Variants in KIAA0319L observed in about 807,000 individuals in gnomAD.
The protein encoded by KIAA0319L is KIAA0319 like.
In KIAA0319L, 55 loss-of-function variants were observed where a neutral mutation model predicts 120.1. The observed-to-expected ratio is 0.46, with a 90% CI of 0.37 to 0.57. KIAA0319L has a LOEUF of 0.57. Among genes scored for constraint, KIAA0319L ranks in the 20% least tolerant of loss-of-function variants. The pLI, the probability that KIAA0319L is intolerant of heterozygous loss-of-function variation, is 0.00. For missense variants in KIAA0319L, 1,049 were observed against 1,255.3 expected (o/e 0.84, Z 2.48); for synonymous variants, 398 against 471.9 (o/e 0.84, Z 2.03).
rs762805959 is a variant in KIAA0319L at position 35,470,979 on chromosome 1, A to C, written c.1016-19T>G. ...GTTTCTCCTATAGAAGGGCAGTTAC[A>C]AAAATCATGAAAACACACACCAACA... On this transcript the variant is annotated intron_variant, in intron 5 of 20. Coordinates refer to ENST00000325722, the MANE Select transcript of KIAA0319L (RefSeq NM_024874.5). The C allele has an allele frequency of 1.4e-6, 2 of 1,391,944 alleles. No homozygotes were observed. Among genetic ancestry groups the C allele is most frequent in the African/African-American group, 2.8e-5 (2 of 70,398 alleles). The allele number at this position is 1,391,944 out of a possible 1,614,324, so 86.2% of individuals were successfully genotyped here.
chr1:35,455,450 A>C (rs1373887901), intron 10 of KIAA0319L, among the ~76,000 whole-genome samples: 1 of 152,160 alleles, frequency 6.6e-6, no homozygotes, highest in African/African-American at 2.4e-5. Flanking sequence ...AATCTACTCT[A>C]ACTTGTTATA....
intron 7 of KIAA0319L, among the ~76,000 whole-genome samples, chr1:35,466,331 C>T (rs1360230252): frequency 1.3e-5 from 2 of 152,220 alleles, no homozygotes; most frequent in South Asian, 2.1e-4. Flanking sequence ...TGGTCCCTCT[C>T]AGCATGGCCC....
At chr1:35,522,292 AT>A (rs1645955099) in intron 2 of KIAA0319L, among the ~76,000 whole-genome samples, 1 of 151,916 alleles carries the variant, frequency 6.6e-6, no homozygotes, top group African/African-American at 2.4e-5. Flanking sequence ...TTATTTATTT[AT>A]TTTTGAGACA....
At chr1:35,539,921 C>A (rs1034982958) in intron 2 of KIAA0319L, among the ~76,000 whole-genome samples, 1 of 152,216 alleles carries the variant, frequency 6.6e-6, no homozygotes, top group Non-Finnish European at 1.5e-5. Context: ...TGTTACCCCC[C>A]ACTCCATCTC....
chr1:35,446,633 T>C (rs1641646734), intron 16 of KIAA0319L, among the ~76,000 whole-genome samples: 2 of 152,220 alleles, frequency 1.3e-5, no homozygotes, highest in Non-Finnish European at 2.9e-5. Context: ...AGCACCCCTT[T>C]TGCCAGATCA....
chr1:35,447,754 T>C (rs1480238097), intron 16 of KIAA0319L, among the ~76,000 whole-genome samples: 1 of 152,034 alleles, frequency 6.6e-6, no homozygotes, highest in African/African-American at 2.4e-5. Context: ...AAATCTTCTG[T>C]AGAGGTGGGG....
chr1:35,460,931 C>T (rs543178146), intron 8 of KIAA0319L, among the ~76,000 whole-genome samples: 18 of 152,200 alleles, frequency 1.2e-4, no homozygotes, highest in Non-Finnish European at 2.4e-4. Flanking sequence ...TCTGCCCCTG[C>T]GATTCTTCTA....
intron 1 of KIAA0319L, among the ~76,000 whole-genome samples, chr1:35,555,242 G>A (rs897993847): frequency 3.9e-5 from 6 of 152,052 alleles, no homozygotes; most frequent in Non-Finnish European, 7.4e-5. Flanking sequence ...AAATTAGTAC[G>A]TAAATATTGG....
chr1:35,517,314 A>G (rs1570922604), intron 2 of KIAA0319L, among the ~76,000 whole-genome samples: 1 of 152,332 alleles, frequency 6.6e-6, no homozygotes, highest in South Asian at 2.1e-4. Context: ...TTCTAACTAT[A>G]CTACAGGGCT....
At chr1:35,472,601 T>C (rs1643692098) in intron 5 of KIAA0319L, among the ~76,000 whole-genome samples, 1 of 151,228 alleles carries the variant, frequency 6.6e-6, no homozygotes, top group Admixed American at 6.6e-5. Context: ...AGCCGGACAG[T>C]GGTTTTGAAA....
At chr1:35,515,865 A>T (rs1645658002) in intron 2 of KIAA0319L, among the ~76,000 whole-genome samples, 1 of 151,986 alleles carries the variant, frequency 6.6e-6, no homozygotes. Context: ...AATGATGAAG[A>T]GGATGTTACC....
chr1:35,449,177 C>T (rs992277329), intron 15 of KIAA0319L, among the ~76,000 whole-genome samples: 6 of 152,202 alleles, frequency 3.9e-5, no homozygotes, highest in Admixed American at 3.3e-4. Context: ...CCTTCCTGTC[C>T]AAAACATCCA....
rs12027215 is a variant in KIAA0319L at position 35,515,035 on chromosome 1, G to A, written c.143-7900C>T. 6.7e-3 allele frequency among the ~76,000 whole-genome samples: 1,021 copies of A among 152,212 alleles called. 14 individuals carry two copies. Among genetic ancestry groups the A allele is most frequent in the South Asian group, 0.036 (171 of 4,812 alleles). On this transcript the variant is annotated intron_variant, in intron 2 of 20. Transcript: ENST00000325722. ...ATGCAAAAGAACCAAAACTAAGGCC[G>A]GGTGCGGTGGCTCACACCTGTAATC...
At chr1:35,446,650 A>G (rs1165930354) in intron 16 of KIAA0319L, among the ~76,000 whole-genome samples, 2 of 152,112 alleles carry the variant, frequency 1.3e-5, no homozygotes, top group African/African-American at 4.8e-5. Context: ...ATCACCCCTT[A>G]ACTTCCAGCA....
chr1:35,496,480 T>C (rs1644811718), intron 3 of KIAA0319L, among the ~76,000 whole-genome samples: 1 of 152,112 alleles, frequency 6.6e-6, no homozygotes, highest in Non-Finnish European at 1.5e-5. Flanking sequence ...TCCCACATAT[T>C]TACCCAGGAG....
intron 2 of KIAA0319L, among the ~76,000 whole-genome samples, chr1:35,549,337 C>A (rs146878900): frequency 6.6e-6 from 1 of 152,088 alleles, no homozygotes; most frequent in Non-Finnish European, 1.5e-5. Flanking sequence ...ATGCACCTGG[C>A]CTCTACCTTT....
Position 35,496,946 on chromosome 1 carries a change from C to CAAAAAAAAAAAAAAAAAAAAAAAAAAA in KIAA0319L, c.666+9665_666+9666insTTTTTTTTTTTTTTTTTTTTTTTTTTT, listed in dbSNP as rs1558484218. Among the ~76,000 whole-genome samples, 2 of 64,394 alleles carry CAAAAAAAAAAAAAAAAAAAAAAAAAAA rather than the reference C, an allele frequency of 3.1e-5. 1 individual carries two copies. Among genetic ancestry groups the CAAAAAAAAAAAAAAAAAAAAAAAAAAA allele is most frequent in the Admixed American group, 4.7e-4 (2 of 4,248 alleles). The allele number at this position is 64,394 out of a possible 152,430, so 42.2% of individuals were successfully genotyped here. A position where few individuals can be genotyped will look rare whatever the true frequency, so the allele number is the denominator to read the frequency against. ...TGAGCAACAGAGTGAGATTGTGTCT[C>CAAAAAAAAAAAAAAAAAAAAAAAAAAA]CAAAAAAAAAAAAAAAAAAAAAAAG... On this transcript the variant is annotated intron_variant, in intron 3 of 20. Transcript: ENST00000325722.
chr1:35,517,679 A>G (rs1645741234), intron 2 of KIAA0319L, among the ~76,000 whole-genome samples: 1 of 152,238 alleles, frequency 6.6e-6, no homozygotes, highest in South Asian at 2.1e-4. Context: ...TTCATGATAA[A>G]GACACCAAAA....
chr1:35,539,629 T>G (rs769915818), intron 2 of KIAA0319L, among the ~76,000 whole-genome samples: 4 of 152,216 alleles, frequency 2.6e-5, no homozygotes. Context: ...CCCAGCAGGA[T>G]GCAGATTACT....
Sources: allele counts gnomAD v4.1 joint callset (sites outside exome capture counted in the v4.1 genomes callset), GRCh38; gene constraint gnomAD v4.1.1; transcripts MANE v1.5; gene names NCBI Gene and HGNC (gene_info 2026-07-23, HGNC 2026-07-21).